AGXT2: variants seen among roughly 807,000 people sequenced by gnomAD.
The protein encoded by AGXT2 is alanine--glyoxylate aminotransferase 2, mitochondrial.
Under a neutral mutation model 62.5 loss-of-function variants are expected in AGXT2, and 61 were observed. That is an observed-to-expected ratio of 0.98 (90% confidence interval 0.79 to 1.21). The LOEUF is 1.21. Ranked by LOEUF, AGXT2 falls within the 50% of genes most tolerant of loss-of-function variation. The pLI is 0.00. For synonymous variants in AGXT2, 243 were observed against 218.7 expected, an observed-to-expected ratio of 1.11 and a Z score of -0.98; for missense variants, 666 against 641.5, an observed-to-expected ratio of 1.04 and a Z score of -0.41.
At chr5:35,033,329 A>C in intron 6 of AGXT2, 131 bp downstream of exon 6, 1 of 746,622 alleles carries the variant, frequency 1.3e-6, no homozygotes, top group East Asian at 2.7e-5. Flanking sequence ...CAATTCAATT[A>C]GGTCAAATTG....
chr5:35,020,945 C>G (rs1767053479), intron 9 of AGXT2, among the ~76,000 whole-genome samples: 1 of 151,952 alleles, frequency 6.6e-6, no homozygotes, highest in African/African-American at 2.4e-5. Context: ...AAACAGAGAG[C>G]CAAATCATGA....
intron 5 of AGXT2, 129 bp downstream of exon 5, chr5:35,035,093 A>T: frequency 1.2e-6 from 1 of 850,374 alleles, no homozygotes; most frequent in Non-Finnish European, 2.0e-6. Flanking sequence ...ATCCTTCCTT[A>T]AAACTTAACA....
chr5:35,027,226 A>G (rs978328656), intron 7 of AGXT2, among the ~76,000 whole-genome samples: 6 of 152,222 alleles, frequency 3.9e-5, no homozygotes, highest in Non-Finnish European at 5.9e-5. Context: ...ATTAAGAAGA[A>G]AATATTAACA....
intron 7 of AGXT2, among the ~76,000 whole-genome samples, chr5:35,030,840 C>A (rs1207067262): frequency 6.6e-6 from 1 of 152,158 alleles, no homozygotes; most frequent in Non-Finnish European, 1.5e-5. Flanking sequence ...GATTTTAGTT[C>A]TTGATGCCTT....
At chr5:35,026,758 C>G (rs1767369877) in intron 7 of AGXT2, among the ~76,000 whole-genome samples, 1 of 152,162 alleles carries the variant, frequency 6.6e-6, no homozygotes. Flanking sequence ...AAACAAACCA[C>G]TTCAGTTCTT....
chr5:35,003,702 C>G, intron 13 of AGXT2, 61 bp downstream of exon 13: 1 of 1,470,068 alleles, frequency 6.8e-7, no homozygotes, highest in Non-Finnish European at 9.5e-7. Context: ...CTGTGACCAG[C>G]ATTAGGAAAT....
In AGXT2 at chr5:34,998,821, A is replaced by T. The variant is rs1464496180; in HGVS notation, c.1443T>A (p.Phe481Leu). 6.2e-7 allele frequency: 1 copy of T among 1,612,160 alleles called. No individual in the cohort carries two copies. Among genetic ancestry groups the T allele is most frequent in the Non-Finnish European group, 8.5e-7 (1 of 1,178,682 alleles). The change falls in exon 14 of 14, where the codon TTT (phenylalanine) becomes TTA (leucine). Residue 481 changes from phenylalanine (F) to leucine (L), a missense_variant. Transcript: ENST00000231420. ...TGATGCACATTGAGGGCGCAATGCG[A>T]AATGTCTGAGGAGACACCAAAAAAT... ...VGRGSIFSQT[F>L]RIAPSMCITK...
chr5:35,015,848 T>TAAA (rs1415122142), intron 9 of AGXT2, among the ~76,000 whole-genome samples: 1 of 39,842 alleles, frequency 2.5e-5, no homozygotes, highest in African/African-American at 1.3e-4. Context: ...AGACTCCATC[T>TAAA]CAAAAAAAAA....
chr5:35,040,449 A>C (rs776632097), intron 2 of AGXT2, 126 bp downstream of exon 2: 2 of 857,676 alleles, frequency 2.3e-6, no homozygotes, highest in Non-Finnish European at 3.9e-6. Flanking sequence ...TTAGAGGTAC[A>C]ATATCTGGAA....
intron 1 of AGXT2, 61 bp downstream of exon 1, chr5:35,047,744 G>T: frequency 6.3e-7 from 1 of 1,592,116 alleles, no homozygotes; most frequent in Non-Finnish European, 8.6e-7. Context: ...AGCCTTCGGA[G>T]CTCAAGTCTT....
chr5:35,012,324 G>GTTGACCC (rs1766674833), intron 11 of AGXT2: 1 of 153,440 alleles, frequency 6.5e-6, no homozygotes, highest in Non-Finnish European at 1.4e-5. Flanking sequence ...AATGACCCTT[G>GTTGACCC]TTGACCCTTG....
chr5:35,047,755 A>G, intron 1 of AGXT2, 50 bp downstream of exon 1: 3 of 1,604,904 alleles, frequency 1.9e-6, no homozygotes, highest in South Asian at 1.1e-5. Flanking sequence ...CTCAAGTCTT[A>G]CCCTCTCGCT....
At position 35,023,230 on chromosome 5, in the gene AGXT2, T is replaced by C. The variant is rs1354642949; in HGVS notation, c.963+2533A>G. Among the ~76,000 whole-genome samples the C allele has an allele frequency of 2.0e-5, 3 of 150,100 alleles. No individual in the cohort carries two copies. The East Asian group carries it at 5.8e-4, about 29-fold the overall frequency. ...CTCTTTTTCTTTATAAATTACCCAG[T>C]CTCAGGTATTTCTTTATCAGCAGCA... On this transcript the variant is annotated intron_variant, in intron 9 of 13. Coordinates refer to ENST00000231420, the MANE Select transcript of AGXT2 (RefSeq NM_031900.4).
chr5:35,037,083 C>T lies in AGXT2; in HGVS notation c.363-18G>A, dbSNP rs1307428274. 7.4e-6 allele frequency: 12 copies of T among 1,613,458 alleles called. No homozygotes were observed. Among genetic ancestry groups the T allele is most frequent in the Non-Finnish European group, 1.0e-5 (12 of 1,179,942 alleles). The stretch of plus-strand genomic sequence containing the variant: ...TCACCTTTCTGGATAAGCAGTACAG[C>T]AGAGTTACCTGCACTGCGTGCCACG... On this transcript the variant is annotated intron_variant, in intron 3 of 13. Coordinates refer to ENST00000231420, the MANE Select transcript of AGXT2 (RefSeq NM_031900.4).
At chr5:35,013,083 C>G in intron 10 of AGXT2, 38 bp from the exon 11 acceptor site, 2 of 1,511,698 alleles carry the variant, frequency 1.3e-6, no homozygotes, top group Non-Finnish European at 9.0e-7. Flanking sequence ...AAGAGGGACA[C>G]ATTCCTGTCC....
intron 1 of AGXT2, among the ~76,000 whole-genome samples, chr5:35,041,017 T>C (rs1010969476): frequency 6.6e-6 from 1 of 151,902 alleles, no homozygotes. Context: ...CATCCCCTGT[T>C]AATAGAGGTG....
chr5:35,002,778 G>GGT (rs1554032863), intron 13 of AGXT2, among the ~76,000 whole-genome samples: 41 of 108,444 alleles, frequency 3.8e-4, no homozygotes, highest in African/African-American at 1.2e-3. Context: ...TAGCAGGCTG[G>GGT]GGGGGGGGAC....
chr5:35,042,086 T>A (rs1579515950), intron 1 of AGXT2, among the ~76,000 whole-genome samples: 1 of 152,224 alleles, frequency 6.6e-6, no homozygotes, highest in East Asian at 1.9e-4. Context: ...GTTTCTTCAG[T>A]CTCATTTTTC....
Position 35,026,151 on chromosome 5 carries a change from C to T in AGXT2, c.870+259G>A. 3 of 594,236 alleles carry T rather than the reference C, an allele frequency of 5.0e-6. No homozygotes were observed. The South Asian group carries it at 6.1e-5, about 12-fold the overall frequency. 36.8% of individuals were successfully genotyped at this position (594,236 alleles called of 1,614,324 possible). A position where few individuals can be genotyped will look rare whatever the true frequency, so the allele number is the denominator to read the frequency against. ...GGACAATGCGGATGTTATTAAGCAG[C>T]TAAAAATGGCCAGGGTTTCCTCTTC... is the stretch of plus-strand genomic sequence containing the variant. On this transcript the variant is annotated intron_variant, in intron 8 of 13. Transcript: ENST00000231420.
Sources: allele counts gnomAD v4.1 joint callset (sites outside exome capture counted in the v4.1 genomes callset), GRCh38; gene constraint gnomAD v4.1.1; transcripts MANE v1.5; gene names NCBI Gene and HGNC (gene_info 2026-07-23, HGNC 2026-07-21).